ATF2: variants seen among roughly 807,000 people sequenced by gnomAD.
The protein encoded by ATF2 is activating transcription factor 2.
Under a neutral mutation model 60.6 loss-of-function variants are expected in ATF2, and 24 were observed. That is an observed-to-expected ratio of 0.40 (90% CI 0.29 to 0.56). The LOEUF (loss-of-function observed/expected upper bound fraction) is 0.56, where lower values mean the gene tolerates loss of function less well. Ranked by LOEUF, ATF2 falls within the 20% of genes least tolerant of loss-of-function variation. ATF2 has a pLI of 0.54. For missense variants in ATF2, 433 were observed against 607.7 expected (o/e 0.71, Z 3.02); for synonymous variants, 206 against 215.4 (o/e 0.96, Z 0.38).
At chr2:175,163,743 T>C (rs1441955827) in intron 1 of ATF2, among the ~76,000 whole-genome samples, 1 of 151,152 alleles carries the variant, frequency 6.6e-6, no homozygotes, top group Non-Finnish European at 1.5e-5. Context: ...GCCAACATGG[T>C]GAAACCCCGT....
At chr2:175,147,022 T>C (rs1699008187) in intron 2 of ATF2, among the ~76,000 whole-genome samples, 1 of 152,186 alleles carries the variant, frequency 6.6e-6, no homozygotes, top group African/African-American at 2.4e-5. Flanking sequence ...TGCTATGATA[T>C]ATATCAAAGA....
At chr2:175,119,392 T>A (rs1276961584) in intron 5 of ATF2, among the ~76,000 whole-genome samples, 1 of 151,590 alleles carries the variant, frequency 6.6e-6, no homozygotes, top group Non-Finnish European at 1.5e-5. Context: ...TAATTCCTTT[T>A]GTAAGATTAA....
At chr2:175,117,542 A>G (rs1696665590) in intron 7 of ATF2, among the ~76,000 whole-genome samples, 1 of 151,988 alleles carries the variant, frequency 6.6e-6, no homozygotes, top group Non-Finnish European at 1.5e-5. Flanking sequence ...TTATCTGGGT[A>G]TTCAAGCTAG....
chr2:175,149,401 A>G (rs138608914), intron 2 of ATF2, among the ~76,000 whole-genome samples: 1 of 152,332 alleles, frequency 6.6e-6, no homozygotes, highest in Non-Finnish European at 1.5e-5. Flanking sequence ...AGTTTGTCTA[A>G]CTCTGTAGTA....
intron 3 of ATF2, among the ~76,000 whole-genome samples, chr2:175,135,006 TAAAAAAAAAAAAAAA>T (rs60122560): frequency 3.5e-5 from 3 of 85,786 alleles, no homozygotes; most frequent in South Asian, 3.7e-4. Context: ...CCCATCTCTT[TAAAAAAAAAAAAAAA>T]AAAAAAAAAA....
intron 10 of ATF2, among the ~76,000 whole-genome samples, chr2:175,103,837 G>A (rs766269305): frequency 1.6e-4 from 25 of 151,982 alleles, no homozygotes; most frequent in Non-Finnish European, 2.8e-4. Flanking sequence ...TATGATTTAC[G>A]GGCTTAACGA....
In ATF2 at chr2:175,157,303, G is replaced by T. The variant is rs532265000; in HGVS notation, c.-142-6145C>A. 3.9e-5 allele frequency among the ~76,000 whole-genome samples: 6 copies of T among 152,304 alleles called. No individual in the cohort carries two copies. In the South Asian group the frequency reaches 1.2e-3, roughly 32 times the overall value. On this transcript the variant is annotated intron_variant, in intron 1 of 13. Transcript: ENST00000264110. The stretch of plus-strand genomic sequence containing the variant: ...AGAGGCAAGTTATTTCCAAACAGCA[G>T]TAATAGGACCTTGGCCCCCATCCCC...
chr2:175,112,197 TATAA>T (rs1167550054), intron 9 of ATF2, among the ~76,000 whole-genome samples: 3 of 152,232 alleles, frequency 2.0e-5, no homozygotes, highest in African/African-American at 7.2e-5. Flanking sequence ...ACAGTTACTG[TATAA>T]ATAAAGCATA....
At chr2:175,142,839 T>A (rs578071367) in intron 2 of ATF2, among the ~76,000 whole-genome samples, 3 of 150,684 alleles carry the variant, frequency 2.0e-5, no homozygotes, top group Non-Finnish European at 3.0e-5. Flanking sequence ...AGAGAGAGTG[T>A]GTGTGTGTGT....
intron 10 of ATF2, among the ~76,000 whole-genome samples, chr2:175,107,235 T>C (rs1437108991): frequency 1.3e-5 from 2 of 152,168 alleles, no homozygotes; most frequent in African/African-American, 4.8e-5. Context: ...GAGACACTGC[T>C]AAACAGCTCT....
At chr2:175,142,685 AAGAGAGAGAGAG>A (rs371270320) in intron 2 of ATF2, among the ~76,000 whole-genome samples, 118 of 126,438 alleles carry the variant, frequency 9.3e-4, no homozygotes, top group Middle Eastern at 4.0e-3. Context: ...ACGCTGCCGA[AAGAGAGAGAGAG>A]AGAGAGAGAG....
At chr2:175,155,870 AT>A (rs918554699) in intron 1 of ATF2, among the ~76,000 whole-genome samples, 1 of 152,164 alleles carries the variant, frequency 6.6e-6, no homozygotes, top group African/African-American at 2.4e-5. Flanking sequence ...CAGAAATTAT[AT>A]TTTTTTCAAC....
chr2:175,145,835 A>T (rs1410356290), intron 2 of ATF2, among the ~76,000 whole-genome samples: 2 of 152,210 alleles, frequency 1.3e-5, no homozygotes, highest in Non-Finnish European at 2.9e-5. Flanking sequence ...ATAAATAATG[A>T]TAGTAATGGA....
intron 10 of ATF2, among the ~76,000 whole-genome samples, chr2:175,103,496 G>A (rs1403530702): frequency 4.6e-5 from 7 of 152,022 alleles, no homozygotes; most frequent in African/African-American, 1.7e-4. Flanking sequence ...AGCTCGGCAT[G>A]CAGAGGCAGG....
chr2:175,079,114 A>C (rs1205837479), intron 13 of ATF2, among the ~76,000 whole-genome samples: 3 of 152,152 alleles, frequency 2.0e-5, no homozygotes, highest in African/African-American at 7.2e-5. Context: ...GCATCTATAC[A>C]CTTAAGATAT....
At chr2:175,105,532 C>T (rs1695595686) in intron 10 of ATF2, among the ~76,000 whole-genome samples, 2 of 151,938 alleles carry the variant, frequency 1.3e-5, no homozygotes, top group South Asian at 4.1e-4. Context: ...GAAATGTTTG[C>T]CATGTAACAA....
intron 12 of ATF2, among the ~76,000 whole-genome samples, chr2:175,087,750 G>C (rs780541253): frequency 6.6e-6 from 1 of 152,086 alleles, no homozygotes; most frequent in Non-Finnish European, 1.5e-5. Context: ...GGTTATCGTG[G>C]AATGTAAAAC....
At position 175,105,794 on chromosome 2, in the gene ATF2, T is replaced by C. The variant is rs1414043600; in HGVS notation, c.828+5774A>G. 8.5e-5 allele frequency among the ~76,000 whole-genome samples: 13 copies of C among 152,228 alleles called. No individual in the cohort carries two copies. The East Asian group carries it at 2.5e-3, about 29-fold the overall frequency. On this transcript the variant is annotated intron_variant, in intron 10 of 13. Transcript: ENST00000264110. ...AATCAAATATACCAAAGATGGTAAG[T>C]TCCCAAACCACAATGTAATTAAAAT...
At chr2:175,156,198 C>A (rs545323950) in intron 1 of ATF2, among the ~76,000 whole-genome samples, 2 of 151,518 alleles carry the variant, frequency 1.3e-5, no homozygotes, top group South Asian at 4.2e-4. Flanking sequence ...TGGTGAAACC[C>A]CATCTCTACT....
Sources: allele counts gnomAD v4.1 joint callset (sites outside exome capture counted in the v4.1 genomes callset), GRCh38; gene constraint gnomAD v4.1.1; transcripts MANE v1.5; gene names NCBI Gene and HGNC (gene_info 2026-07-23, HGNC 2026-07-21).